SGCD: variants seen among roughly 807,000 people sequenced by gnomAD.
The protein encoded by SGCD is sarcoglycan delta.
Under a neutral mutation model 36.6 loss-of-function variants are expected in SGCD, and 18 were observed. The observed-to-expected ratio is 0.49, with a 90% CI of 0.34 to 0.73. SGCD has a LOEUF of 0.73. SGCD is among the 30% of genes least tolerant of loss of function. The pLI, the probability that SGCD is intolerant of heterozygous loss-of-function variation, is 0.01. For synonymous variants in SGCD, 133 were observed against 130.6 expected (o/e 1.02, Z -0.12); for missense variants, 387 against 346.7 (o/e 1.12, Z -0.92).
At chr5:156,185,638 G>A (rs781651767) in intron 3 of SGCD, among the ~76,000 whole-genome samples, 10 of 151,396 alleles carry the variant, frequency 6.6e-5, no homozygotes, top group Non-Finnish European at 1.0e-4. Flanking sequence ...AAATTAACTT[G>A]AAGTTAAGGA....
chr5:156,462,347 A>G (rs1403751139), intron 3 of SGCD, among the ~76,000 whole-genome samples: 1 of 152,172 alleles, frequency 6.6e-6, no homozygotes, highest in African/African-American at 2.4e-5. Flanking sequence ...TCTGACACCT[A>G]TTCCTACTTA....
In SGCD at chr5:156,027,988, A is replaced by C. The variant is rs76179598; in HGVS notation, c.-281-89890A>C. 6.8e-3 allele frequency among the ~76,000 whole-genome samples: 1,041 copies of C among 152,318 alleles called. 12 individuals are homozygous for C. Among genetic ancestry groups the C allele is most frequent in the African/African-American group, 0.024 (985 of 41,574 alleles). On this transcript the variant is annotated intron_variant, in intron 1 of 9. Coordinates refer to the SGCD transcript ENST00000517913. ...GACAAAAAAGGGTGGACTCTGTGTG[A>C]AGCTTCTTTAATAAGATGTGAATCC... is the stretch of plus-strand genomic sequence containing the variant.
chr5:156,390,726 A>G (rs1018835669), intron 3 of SGCD, among the ~76,000 whole-genome samples: 3 of 152,136 alleles, frequency 2.0e-5, no homozygotes, highest in African/African-American at 2.4e-5. Context: ...GTGAAACTCT[A>G]TCTCAGGGAA....
intron 3 of SGCD, among the ~76,000 whole-genome samples, chr5:156,414,870 T>C (rs2127772414): frequency 6.6e-6 from 1 of 152,356 alleles, no homozygotes; most frequent in East Asian, 1.9e-4. Context: ...GCTTTTATAC[T>C]GAGCAAAAAC....
the SGCD span, among the ~76,000 whole-genome samples, chr5:155,762,130 G>T: frequency 6.6e-6 from 1 of 152,160 alleles, no homozygotes; most frequent in Non-Finnish European, 1.5e-5. Flanking sequence ...TGCTAAGTGT[G>T]ATTATACAAT....
chr5:156,727,669 GT>G (rs1239495949), intron 7 of SGCD, among the ~76,000 whole-genome samples: 5 of 133,286 alleles, frequency 3.8e-5, no homozygotes, highest in African/African-American at 7.6e-5. Flanking sequence ...TTAGATCTGG[GT>G]TTTTTTCTGT....
intron 7 of SGCD, among the ~76,000 whole-genome samples, chr5:156,678,920 A>T (rs898336527): frequency 6.6e-6 from 1 of 152,170 alleles, no homozygotes; most frequent in African/African-American, 2.4e-5. Flanking sequence ...ACCCCTGGAT[A>T]ACTCTGTGGA....
At chr5:156,027,191 T>C (rs1322598626) in intron 1 of SGCD, among the ~76,000 whole-genome samples, 1 of 152,220 alleles carries the variant, frequency 6.6e-6, no homozygotes, top group Non-Finnish European at 1.5e-5. Flanking sequence ...GCTTTTTCAA[T>C]CACAAACAAT....
intron 1 of SGCD, among the ~76,000 whole-genome samples, chr5:155,969,561 A>G (rs1219268763): frequency 2.0e-5 from 3 of 152,288 alleles, no homozygotes; most frequent in Non-Finnish European, 2.9e-5. Flanking sequence ...CACATTAGGC[A>G]GAAGACATGT....
intron 3 of SGCD, among the ~76,000 whole-genome samples, chr5:156,130,980 C>T (rs775876397): frequency 2.0e-5 from 3 of 152,136 alleles, no homozygotes; most frequent in Non-Finnish European, 4.4e-5. Flanking sequence ...CCACTGGCCT[C>T]GGCCTCCCAA....
At chr5:156,546,307 G>A (rs1758568247) in intron 4 of SGCD, among the ~76,000 whole-genome samples, 2 of 152,054 alleles carry the variant, frequency 1.3e-5, no homozygotes, top group South Asian at 2.1e-4. Flanking sequence ...ACAAATGTTG[G>A]GGGTCACTTT....
At chr5:156,498,156 A>G (rs1258588754) in intron 3 of SGCD, among the ~76,000 whole-genome samples, 2 of 151,706 alleles carry the variant, frequency 1.3e-5, no homozygotes, top group African/African-American at 4.9e-5. Flanking sequence ...CCAAGCACTT[A>G]TCTCTAAATC....
chr5:156,237,452 C>T (rs1275056549), intron 3 of SGCD, among the ~76,000 whole-genome samples: 2 of 151,910 alleles, frequency 1.3e-5, no homozygotes, highest in African/African-American at 4.8e-5. Flanking sequence ...CGGTGAAACC[C>T]CCTCTCTACT....
chr5:155,844,421 T>TTGTGTGTGTGTGTGTGTGTGTGTGTGTG, the SGCD span, among the ~76,000 whole-genome samples: 1 of 144,498 alleles, frequency 6.9e-6, no homozygotes, highest in East Asian at 2.0e-4. Context: ...TGCTAAGGCT[T>TTGTGTGTGTGTGTGTGTGTGTGTGTGTG]TGTGTGTGTG....
chr5:156,394,308 G>A (rs1417963195), intron 3 of SGCD, among the ~76,000 whole-genome samples: 1 of 152,188 alleles, frequency 6.6e-6, no homozygotes, highest in Admixed American at 6.5e-5. Context: ...TTTACACATT[G>A]AGTAATGATC....
chr5:156,315,020 T>A (rs1318958828), intron 3 of SGCD, among the ~76,000 whole-genome samples: 1 of 152,046 alleles, frequency 6.6e-6, no homozygotes, highest in Admixed American at 6.5e-5. Flanking sequence ...CTAATTAACA[T>A]AGCCATTACC....
At chr5:155,963,479 G>A (rs555398192) in intron 1 of SGCD, among the ~76,000 whole-genome samples, 2 of 152,134 alleles carry the variant, frequency 1.3e-5, no homozygotes, top group East Asian at 1.9e-4. Context: ...ACTCTCACTG[G>A]CCTACAAATC....
rs118152954 is a variant in SGCD, at chr5:155,994,309, T to C, written c.-281-123569T>C. Among the ~76,000 whole-genome samples the C allele has an allele frequency of 2.2e-4, 33 of 152,336 alleles. No individual in the cohort carries two copies. The East Asian group carries it at 6.4e-3, about 29-fold the overall frequency. On this transcript the variant is annotated intron_variant, in intron 1 of 9. Coordinates refer to the SGCD transcript ENST00000517913. ...CTGAGCAGCATATATCTCATTGGGA[T>C]GTTGTGAACATTAAATGAGGTCTTA... is the stretch of plus-strand genomic sequence containing the variant.
chr5:156,457,744 A>T (rs2127813509), intron 3 of SGCD, among the ~76,000 whole-genome samples: 1 of 152,330 alleles, frequency 6.6e-6, no homozygotes, highest in African/African-American at 2.4e-5. Context: ...AATGTCTCTC[A>T]TGCCCTACTT....
Sources: gnomAD v4.1 joint callset for allele counts (sites outside exome capture counted in the v4.1 genomes callset) on GRCh38, gnomAD v4.1.1 for gene constraint, MANE v1.5 for transcripts, NCBI Gene and HGNC (gene_info 2026-07-23, HGNC 2026-07-21) for gene names.